CPEB3: variants seen among roughly 807,000 people sequenced by gnomAD.
The protein encoded by CPEB3 is cytoplasmic polyadenylation element binding protein 3.
CPEB3 carries 20 observed loss-of-function variants against 67.2 expected under a neutral mutation model. The observed-to-expected ratio is 0.30, with a 90% CI of 0.21 to 0.43. The LOEUF (loss-of-function observed/expected upper bound fraction) is 0.43, where lower values mean the gene tolerates loss of function less well. Among genes scored for constraint, CPEB3 ranks in the 20% least tolerant of loss-of-function variants. The pLI, the probability that CPEB3 is intolerant of heterozygous loss-of-function variation, is 1.00. For missense variants in CPEB3, 746 were observed against 968.6 expected (o/e 0.77, Z 3.05); for synonymous variants, 376 against 393.1 (o/e 0.96, Z 0.51).
chr10:92,289,251 A>C (rs1309277762), intron 1 of CPEB3, among the ~76,000 whole-genome samples: 1 of 151,542 alleles, frequency 6.6e-6, no homozygotes, highest in Non-Finnish European at 1.5e-5. Context: ...CAAAAAAATA[A>C]AATAGACCAG....
chr10:92,231,995 T>C (rs1392776378), intron 2 of CPEB3, among the ~76,000 whole-genome samples: 5 of 148,344 alleles, frequency 3.4e-5, no homozygotes, highest in Admixed American at 6.7e-5. Context: ...GCTGGAATTA[T>C]AGGTGTGAGC....
intron 2 of CPEB3, among the ~76,000 whole-genome samples, chr10:92,214,881 C>G (rs1451539815): frequency 1.3e-5 from 2 of 152,066 alleles, no homozygotes; most frequent in Non-Finnish European, 2.9e-5. Flanking sequence ...CAGAGTCTCA[C>G]TCTGTCACCC....
chr10:92,073,727 A>C (rs765310355), intron 9 of CPEB3, among the ~76,000 whole-genome samples: 4 of 152,014 alleles, frequency 2.6e-5, no homozygotes, highest in Non-Finnish European at 5.9e-5. Context: ...TCAGCCTCCC[A>C]AAACATTAGG....
At position 92,239,560 on chromosome 10, in the gene CPEB3, G is replaced by A; in HGVS notation, c.791C>T (p.Ala264Val). The change falls in exon 2 of 10, where the codon GCG (alanine) becomes GTG (valine). Residue 264 changes from alanine (A) to valine (V), a missense_variant. Physicochemically the swap from Ala to Val is moderately conservative, Grantham distance 64. This residue lies in a region of CPEB3 where 643 missense variants were observed against 717.5 expected (regional missense o/e 0.90). Transcript: ENST00000265997. The surrounding 1 kb of genome is among the most constrained non-coding windows in gnomAD (Gnocchi z 6.0). ...APSNPWGGLQ[A>V]GRDPRRAVGV... is the part of the protein sequence containing the mutation. Reference sequence around the variant, plus strand: ...GACCGCCCGGCGAGGGTCCCGGCCCGCCTGCAGGCCGCCCCAGGGGTTGGA... The same window carrying A: ...GACCGCCCGGCGAGGGTCCCGGCCCACCTGCAGGCCGCCCCAGGGGTTGGA... The A allele has an allele frequency of 1.9e-6, 3 of 1,555,372 alleles. No individual in the cohort carries two copies. Among genetic ancestry groups the A allele is most frequent in the Non-Finnish European group, 2.6e-6 (3 of 1,148,984 alleles).
At chr10:92,134,570 T>C (rs1845998344) in intron 6 of CPEB3, among the ~76,000 whole-genome samples, 1 of 151,858 alleles carries the variant, frequency 6.6e-6, no homozygotes, top group African/African-American at 2.4e-5. Context: ...ATCAATATTG[T>C]GAAAATGGCC....
At chr10:92,087,143 T>C (rs939461662) in intron 8 of CPEB3, among the ~76,000 whole-genome samples, 3 of 152,206 alleles carry the variant, frequency 2.0e-5, no homozygotes, top group Non-Finnish European at 4.4e-5. Flanking sequence ...TATCAAATGT[T>C]TATATAAAAT....
intron 2 of CPEB3, among the ~76,000 whole-genome samples, chr10:92,220,138 A>C (rs747161520): frequency 2.0e-5 from 3 of 152,054 alleles, no homozygotes; most frequent in African/African-American, 4.8e-5. Flanking sequence ...CTAGGCAATA[A>C]AGATTCCGTC....
chr10:92,290,129 AT>A (rs973761132), intron 1 of CPEB3, among the ~76,000 whole-genome samples: 1 of 152,060 alleles, frequency 6.6e-6, no homozygotes, highest in African/African-American at 2.4e-5. Context: ...ACACATTTTC[AT>A]TTTTTAAAAA....
At chr10:92,286,460 C>T (rs896691818) in intron 1 of CPEB3, among the ~76,000 whole-genome samples, 6 of 151,744 alleles carry the variant, frequency 4.0e-5, no homozygotes, top group South Asian at 4.2e-4. Flanking sequence ...TGATGCATGC[C>T]TGTGATCCCA....
At chr10:92,068,598 T>C (rs574078176) in intron 9 of CPEB3, among the ~76,000 whole-genome samples, 1 of 152,280 alleles carries the variant, frequency 6.6e-6, no homozygotes, top group East Asian at 1.9e-4. Context: ...CAATTCTTTA[T>C]CTCATAAACA....
At chr10:92,129,104 T>G (rs1845725392) in intron 6 of CPEB3, among the ~76,000 whole-genome samples, 1 of 152,218 alleles carries the variant, frequency 6.6e-6, no homozygotes, top group Middle Eastern at 3.2e-3. Flanking sequence ...TGCCTATCAA[T>G]GGTAGACTGG....
At position 92,111,463 on chromosome 10, in the gene CPEB3, T is replaced by A. The variant is rs183447446; in HGVS notation, c.1454-269A>T. On this transcript the variant is annotated intron_variant, in intron 6 of 9. Transcript: ENST00000265997. The stretch of plus-strand genomic sequence containing the variant: ...TCTGGTTATCCTTAATGAGGGCAAG[T>A]GGACTCACCATTGGCCTTAGCCACA... Among the ~76,000 whole-genome samples the A allele has an allele frequency of 2.6e-4, 40 of 152,336 alleles. 2 individuals are homozygous for A. Among genetic ancestry groups the A allele is most frequent in the African/African-American group, 9.6e-4 (40 of 41,574 alleles).
intron 6 of CPEB3, among the ~76,000 whole-genome samples, chr10:92,113,302 C>A (rs1048588600): frequency 2.0e-5 from 3 of 152,158 alleles, no homozygotes; most frequent in Non-Finnish European, 4.4e-5. Flanking sequence ...TCCTCTTTTG[C>A]AAACAGTATT....
At chr10:92,121,310 CA>C (rs1444532185) in intron 6 of CPEB3, among the ~76,000 whole-genome samples, 1 of 149,250 alleles carries the variant, frequency 6.7e-6, no homozygotes, top group African/African-American at 2.4e-5. Flanking sequence ...GCCCGGTCTA[CA>C]ACTTACTCTT....
At chr10:92,223,190 G>A (rs1850783529) in intron 2 of CPEB3, among the ~76,000 whole-genome samples, 2 of 152,168 alleles carry the variant, frequency 1.3e-5, no homozygotes, top group South Asian at 4.1e-4. Context: ...AAAAGCTCTT[G>A]ACTTAGAATG....
At chr10:92,087,990 A>G (rs960949863) in intron 8 of CPEB3, among the ~76,000 whole-genome samples, 2 of 152,182 alleles carry the variant, frequency 1.3e-5, no homozygotes, top group Non-Finnish European at 2.9e-5. Context: ...GGTGGGGAGT[A>G]GAAAGAAAAC....
At chr10:92,233,926 G>A (rs145328592) in intron 2 of CPEB3, among the ~76,000 whole-genome samples, 1 of 152,170 alleles carries the variant, frequency 6.6e-6, no homozygotes, top group African/African-American at 2.4e-5. Context: ...GGCCAACATA[G>A]TGAAACCCCG....
At chr10:92,260,835 C>T (rs1347955251) in intron 1 of CPEB3, among the ~76,000 whole-genome samples, 1 of 152,282 alleles carries the variant, frequency 6.6e-6, no homozygotes, top group East Asian at 1.9e-4. Context: ...TCTCGAACTC[C>T]TGACCTCAGG....
intron 4 of CPEB3, among the ~76,000 whole-genome samples, chr10:92,161,522 G>A (rs777994963): frequency 1.3e-5 from 2 of 150,932 alleles, no homozygotes; most frequent in African/African-American, 2.4e-5. Flanking sequence ...ATCCACCCAC[G>A]TTGGCCTCCC....
Sources: allele counts gnomAD v4.1 joint callset (sites outside exome capture counted in the v4.1 genomes callset), GRCh38; gene constraint gnomAD v4.1.1; regional missense constraint gnomAD v4.1.1; non-coding constraint Gnocchi (gnomAD v3.1); transcripts MANE v1.5; gene names NCBI Gene and HGNC (gene_info 2026-07-23, HGNC 2026-07-21).